Variants in ACTR3C observed in about 807,000 individuals in gnomAD.
ACTR3C encodes actin related protein 3C.
Under a neutral mutation model 26.3 loss-of-function variants are expected in ACTR3C, and 18 were observed. That is an observed-to-expected ratio of 0.68 (90% CI 0.47 to 1.01). The LOEUF (loss-of-function observed/expected upper bound fraction) is 1.01, where lower values mean the gene tolerates loss of function less well. ACTR3C is among the 50% of genes least tolerant of loss of function. ACTR3C has a pLI of 0.00. For missense variants in ACTR3C, 184 were observed against 250.7 expected (o/e 0.73, Z 1.80); for synonymous variants, 55 against 94.5 (o/e 0.58, Z 2.42).
the ACTR3C span, among the ~76,000 whole-genome samples, chr7:149,910,807 T>G: frequency 7.2e-5 from 11 of 152,080 alleles, no homozygotes; most frequent in African/African-American, 2.7e-4. Flanking sequence ...ATTTTACTAT[T>G]TTTGAACACA....
the ACTR3C span, among the ~76,000 whole-genome samples, chr7:149,928,180 C>T: frequency 6.6e-6 from 1 of 150,494 alleles, no homozygotes; most frequent in Non-Finnish European, 1.5e-5. Context: ...AAAAAGATAT[C>T]CTTGCTTTCT....
intron 1 of ACTR3C, among the ~76,000 whole-genome samples, chr7:150,302,301 C>T (rs980030911): frequency 3.9e-5 from 6 of 152,316 alleles, no homozygotes; most frequent in African/African-American, 1.2e-4. Context: ...GCGGTGCTGA[C>T]GGCAGTCTGA....
the ACTR3C span, among the ~76,000 whole-genome samples, chr7:149,928,368 T>C: frequency 1.0e-4 from 13 of 125,978 alleles, no homozygotes; most frequent in African/African-American, 3.4e-4. Context: ...GCCCGGCTAA[T>C]TTTTTTGTAT....
chr7:150,051,035 C>T, the ACTR3C span, among the ~76,000 whole-genome samples: 2 of 147,300 alleles, frequency 1.4e-5, no homozygotes. Flanking sequence ...ACCCGGGAGG[C>T]GGAGGTTGCA....
chr7:150,105,508 C>T, the ACTR3C span, among the ~76,000 whole-genome samples: 3 of 151,954 alleles, frequency 2.0e-5, no homozygotes, highest in East Asian at 5.8e-4. Flanking sequence ...AATGGCTTTC[C>T]CTCCTTGCCA....
At chr7:150,307,503 T>C (rs1163756363) in intron 1 of ACTR3C, among the ~76,000 whole-genome samples, 1 of 152,230 alleles carries the variant, frequency 6.6e-6, no homozygotes, top group Non-Finnish European at 1.5e-5. Context: ...ATGTACCTTG[T>C]GACCCCCTCC....
At chr7:149,984,987 A>G in the ACTR3C span, among the ~76,000 whole-genome samples, 2 of 152,156 alleles carry the variant, frequency 1.3e-5, no homozygotes, top group African/African-American at 4.8e-5. Context: ...ATGCCTAAAA[A>G]TATTTTAATA....
At chr7:150,055,256 C>T in the ACTR3C span, among the ~76,000 whole-genome samples, 3 of 152,360 alleles carry the variant, frequency 2.0e-5, no homozygotes, top group South Asian at 6.2e-4. Context: ...AGGCAAGCTG[C>T]ATTTAACAAG....
At chr7:149,895,621 G>A in the ACTR3C span, among the ~76,000 whole-genome samples, 2 of 152,078 alleles carry the variant, frequency 1.3e-5, no homozygotes, top group African/African-American at 4.8e-5. Flanking sequence ...GATAGCTTGA[G>A]CTCAGGAGTT....
the ACTR3C span, among the ~76,000 whole-genome samples, chr7:150,036,093 G>A: frequency 2.2e-5 from 3 of 138,972 alleles, no homozygotes; most frequent in South Asian, 2.2e-4. Flanking sequence ...CCCCCCCTGC[G>A]ATGGGGGTGC....
the ACTR3C span, among the ~76,000 whole-genome samples, chr7:149,955,710 T>A: frequency 6.6e-6 from 1 of 152,172 alleles, no homozygotes; most frequent in Admixed American, 6.5e-5. Context: ...TAAAATTGAA[T>A]ATCCTTGTAC....
At chr7:150,235,384 C>T in the ACTR3C span, among the ~76,000 whole-genome samples, 9 of 152,214 alleles carry the variant, frequency 5.9e-5, no homozygotes, top group Non-Finnish European at 1.3e-4. Context: ...TCTCCCACAG[C>T]TCACTCTCCT....
At chr7:150,254,464 T>C (rs1833069063) in intron 6 of ACTR3C, among the ~76,000 whole-genome samples, 1 of 151,958 alleles carries the variant, frequency 6.6e-6, no homozygotes. Flanking sequence ...AACTTAAACA[T>C]GTTACATTTG....
chr7:150,071,931 G>C, the ACTR3C span, among the ~76,000 whole-genome samples: 8 of 146,100 alleles, frequency 5.5e-5, 2 homozygotes, highest in Non-Finnish European at 1.2e-4. Context: ...GGAGCAGGCG[G>C]AGAGGGGCCT....
chr7:150,201,798 A>G, the ACTR3C span, among the ~76,000 whole-genome samples: 1 of 152,114 alleles, frequency 6.6e-6, no homozygotes, highest in South Asian at 2.1e-4. Flanking sequence ...TGGGTAACAC[A>G]TAAGTTTTAG....
chr7:150,190,928 C>T, the ACTR3C span, among the ~76,000 whole-genome samples: 23 of 152,250 alleles, frequency 1.5e-4, no homozygotes, highest in African/African-American at 4.1e-4. Flanking sequence ...AAAACCATCA[C>T]GCCTCAGGAG....
chr7:149,976,589 A>AAAG, the ACTR3C span, among the ~76,000 whole-genome samples: 5 of 150,134 alleles, frequency 3.3e-5, no homozygotes, highest in African/African-American at 1.3e-4. Flanking sequence ...AAAAAAAAAA[A>AAAG]AGAGAGAGAG....
chr7:150,193,757 C>T, the ACTR3C span, among the ~76,000 whole-genome samples: 2 of 151,638 alleles, frequency 1.3e-5, no homozygotes, highest in African/African-American at 4.8e-5. Context: ...TAATTTAAAT[C>T]CCTAGCAATT....
At chr7:149,995,734 G>A in the ACTR3C span, among the ~76,000 whole-genome samples, 2 of 152,238 alleles carry the variant, frequency 1.3e-5, no homozygotes, top group African/African-American at 2.4e-5. Flanking sequence ...GAGACAAGAG[G>A]CGGACCTCTG....
Sources: gnomAD v4.1 joint callset for allele counts (sites outside exome capture counted in the v4.1 genomes callset) on GRCh38, gnomAD v4.1.1 for gene constraint, MANE v1.5 for transcripts, NCBI Gene and HGNC (gene_info 2026-07-23, HGNC 2026-07-21) for gene names.